PEX5L: variants seen among roughly 807,000 people sequenced by gnomAD.
The protein encoded by PEX5L is peroxisomal biogenesis factor 5 like.
PEX5L carries 30 observed loss-of-function variants against 84.0 expected under a neutral mutation model. The ratio of observed to expected loss-of-function variants is 0.36; its 90% CI spans 0.27 to 0.48. The LOEUF (loss-of-function observed/expected upper bound fraction) is 0.48. Among genes scored for constraint, PEX5L ranks in the 20% least tolerant of loss-of-function variants. The pLI, the probability that PEX5L is intolerant of heterozygous loss-of-function variation, is 0.99. For synonymous variants in PEX5L, 270 were observed against 283.1 expected, an observed-to-expected ratio of 0.95 and a Z score of 0.46; for missense variants, 533 against 754.6, an observed-to-expected ratio of 0.71 and a Z score of 3.44.
At chr3:179,829,124 A>G (rs183477874) in intron 8 of PEX5L, among the ~76,000 whole-genome samples, 2 of 152,352 alleles carry the variant, frequency 1.3e-5, no homozygotes, top group East Asian at 3.9e-4. Context: ...AGAAACATGA[A>G]AAAATGAAAA....
chr3:179,894,567 TA>T (rs1304656953), intron 3 of PEX5L, among the ~76,000 whole-genome samples: 21 of 152,070 alleles, frequency 1.4e-4, no homozygotes, highest in African/African-American at 5.1e-4. Flanking sequence ...GTGCTAACAA[TA>T]AATTAAGGCA....
intron 8 of PEX5L, among the ~76,000 whole-genome samples, chr3:179,836,403 T>C (rs1006669487): frequency 6.6e-6 from 1 of 152,180 alleles, no homozygotes; most frequent in Non-Finnish European, 1.5e-5. Context: ...AAAGAGGCCA[T>C]TGATTTGCAC....
chr3:179,824,726 A>G (rs1341172913), intron 8 of PEX5L, among the ~76,000 whole-genome samples: 2 of 151,952 alleles, frequency 1.3e-5, no homozygotes, highest in Non-Finnish European at 2.9e-5. Flanking sequence ...AAAAAAAAAA[A>G]AAAGCAGTAC....
intron 8 of PEX5L, among the ~76,000 whole-genome samples, chr3:179,855,291 T>C (rs1743492494): frequency 6.6e-6 from 1 of 152,062 alleles, no homozygotes; most frequent in Non-Finnish European, 1.5e-5. Flanking sequence ...TTTGGAAAAA[T>C]TCAACTTGCT....
chr3:180,013,816 A>T (rs66906982), intron 1 of PEX5L, among the ~76,000 whole-genome samples: 18 of 152,098 alleles, frequency 1.2e-4, no homozygotes, highest in Non-Finnish European at 2.1e-4. Flanking sequence ...AATAATAATG[A>T]TTGTATTATG....
chr3:179,929,656 T>C (rs1772462915), intron 2 of PEX5L, among the ~76,000 whole-genome samples: 1 of 152,164 alleles, frequency 6.6e-6, no homozygotes, highest in Non-Finnish European at 1.5e-5. Flanking sequence ...AGAGAGATGA[T>C]TATGAGTCCC....
At chr3:179,879,417 T>C (rs1753483152) in intron 5 of PEX5L, among the ~76,000 whole-genome samples, 1 of 152,184 alleles carries the variant, frequency 6.6e-6, no homozygotes, top group South Asian at 2.1e-4. Flanking sequence ...TTCAAAGAGT[T>C]GTGATAATTT....
At chr3:180,026,178 T>C (rs2108339688) in intron 1 of PEX5L, among the ~76,000 whole-genome samples, 1 of 146,956 alleles carries the variant, frequency 6.8e-6, no homozygotes, top group Non-Finnish European at 1.5e-5. Context: ...AGGCAATTAA[T>C]TGAAGAAATC....
In PEX5L at chr3:179,809,671, G is replaced by GAA. The variant is rs35082123; in HGVS notation, c.1155-5_1155-4dup. ...TGTTGGGCTGTAATTCTAAGCACCTGAAAAAAAAAAAGAAGCCAATTTCAG... is the reference window on the plus strand; with the variant it reads ...TGTTGGGCTGTAATTCTAAGCACCTGAAAAAAAAAAAAAGAAGCCAATTTCAG... On this transcript the variant is annotated splice_region_variant and splice_polypyrimidine_tract_variant and intron_variant, in intron 11 of 14. Coordinates refer to ENST00000467460, the MANE Select transcript of PEX5L (RefSeq NM_016559.3). The GAA allele has an allele frequency of 0.24, 307,972 of 1,294,736 alleles. 8,800 individuals carry two copies. Among genetic ancestry groups the GAA allele is most frequent in the African/African-American group, 0.37 (24,511 of 66,116 alleles). 80.2% of individuals were successfully genotyped at this position (1,294,736 alleles called of 1,614,324 possible).
chr3:179,825,599 T>C (rs905481095), intron 8 of PEX5L, among the ~76,000 whole-genome samples: 4 of 87,574 alleles, frequency 4.6e-5, no homozygotes, highest in Non-Finnish European at 6.7e-5. Context: ...GGTGGGGGTA[T>C]GCTGGAAAAA....
At chr3:179,817,280 AAAC>A (rs1368505153) in intron 9 of PEX5L, among the ~76,000 whole-genome samples, 3 of 152,256 alleles carry the variant, frequency 2.0e-5, no homozygotes, top group African/African-American at 7.2e-5. Context: ...CATATAAATT[AAAC>A]AAGTAGGCAC....
rs533615106 is a variant in PEX5L, at chr3:180,006,185, C to T, written c.21+30394G>A. On this transcript the variant is annotated intron_variant, in intron 1 of 14. Transcript: ENST00000467460. ...AAACCTCTCTGTATTAATTGCTGAT[C>T]CCTCCCTTGATGGCAGTCTATGACA... Among the ~76,000 whole-genome samples, 11 of 152,218 alleles carry T rather than the reference C, an allele frequency of 7.2e-5. No homozygotes were observed. In the East Asian group the frequency reaches 1.7e-3, roughly 24 times the overall value.
At chr3:179,939,111 A>G (rs1040778771) in intron 2 of PEX5L, among the ~76,000 whole-genome samples, 11 of 152,216 alleles carry the variant, frequency 7.2e-5, no homozygotes, top group Admixed American at 7.2e-4. Context: ...AATTCACTGC[A>G]CCTAAAAATT....
At chr3:179,856,695 C>T (rs1336028494) in intron 8 of PEX5L, among the ~76,000 whole-genome samples, 1 of 152,226 alleles carries the variant, frequency 6.6e-6, no homozygotes, top group African/African-American at 2.4e-5. Flanking sequence ...CACGCATTCA[C>T]ACACTTTTTT....
chr3:179,925,379 GTTTC>G (rs1277874692), intron 2 of PEX5L, among the ~76,000 whole-genome samples: 12 of 151,948 alleles, frequency 7.9e-5, no homozygotes, highest in African/African-American at 2.4e-4. Flanking sequence ...TCCTTCCAGA[GTTTC>G]TTTATGTCCA....
chr3:179,859,665 T>A (rs770263216), intron 7 of PEX5L, among the ~76,000 whole-genome samples: 5 of 152,242 alleles, frequency 3.3e-5, no homozygotes, highest in Non-Finnish European at 4.4e-5. Context: ...TGCATAGTTC[T>A]CTTCCTTCTG....
At chr3:179,837,864 A>C (rs1017385515) in intron 8 of PEX5L, among the ~76,000 whole-genome samples, 15 of 152,196 alleles carry the variant, frequency 9.9e-5, no homozygotes, top group Non-Finnish European at 2.1e-4. Flanking sequence ...CATCTGGCTC[A>C]CTGTTGGATC....
At chr3:179,988,135 C>T (rs1169632938) in intron 1 of PEX5L, among the ~76,000 whole-genome samples, 2 of 152,088 alleles carry the variant, frequency 1.3e-5, no homozygotes, top group African/African-American at 2.4e-5. Flanking sequence ...CATGGTGGCT[C>T]ACGCCTGTAA....
chr3:179,843,662 GAGATAAA>G (rs1738150232), intron 8 of PEX5L, among the ~76,000 whole-genome samples: 1 of 149,976 alleles, frequency 6.7e-6, no homozygotes, highest in African/African-American at 2.5e-5. Flanking sequence ...TCACCATCCA[GAGATAAA>G]TTATTAATCA....
Sources: allele counts gnomAD v4.1 joint callset (sites outside exome capture counted in the v4.1 genomes callset), GRCh38; gene constraint gnomAD v4.1.1; transcripts MANE v1.5; gene names NCBI Gene and HGNC (gene_info 2026-07-23, HGNC 2026-07-21).